ZNF44: variants seen among roughly 807,000 people sequenced by gnomAD.
ZNF44 encodes the protein zinc finger protein 44.
ZNF44 carries 9 observed loss-of-function variants against 11.7 expected under a neutral mutation model. That is an observed-to-expected ratio of 0.77 (90% CI 0.46 to 1.35). The LOEUF is 1.35. Among genes scored for constraint, ZNF44 ranks in the 40% most tolerant of loss-of-function variants. The pLI is 0.00. For missense variants in ZNF44, 696 were observed against 743.1 expected (o/e 0.94, Z 0.74); for synonymous variants, 224 against 242.7 (o/e 0.92, Z 0.72).
chr19:12,256,972 G>A (rs1917288660), intron 5 of ZNF44, among the ~76,000 whole-genome samples: 1 of 152,100 alleles, frequency 6.6e-6, no homozygotes, highest in Admixed American at 6.6e-5. Context: ...CCTCCCACAG[G>A]TGTGGGATTA....
rs776489827 is a variant in ZNF44, at chr19:12,272,685, T to C, written c.1570A>G (p.Arg524Gly). 1 of 1,613,982 alleles carries C rather than the reference T, an allele frequency of 6.2e-7. No individual in the cohort carries two copies. The highest frequency in any genetic ancestry group is 1.7e-5 in the Admixed American group (1 of 59,998). The part of the protein sequence containing the change: ...SRFSYLKTHE[R>G]THTAEKPYEC... The stretch of plus-strand genomic sequence containing the variant: ...TATGGCTTCTCTGCCGTGTGAGTCC[T>C]TTCATGAGTTTTTAAGTAACTGAAA... The change falls in exon 4 of 4, where the codon AGG (arginine) becomes GGG (glycine). Residue 524 changes from arginine to glycine, a missense_variant. Physicochemically the swap from Arg to Gly is moderately radical, Grantham distance 125. Transcript: ENST00000355684.
At chr19:12,283,620 C>A (rs915314428) in intron 1 of ZNF44, among the ~76,000 whole-genome samples, 1 of 152,178 alleles carries the variant, frequency 6.6e-6, no homozygotes, top group Non-Finnish European at 1.5e-5. Flanking sequence ...TAAGCCACCA[C>A]GCCCAGCCAG....
chr19:12,250,310 A>G (rs753307300), exon 6 of ZNF44: 2 of 1,367,380 alleles, frequency 1.5e-6, no homozygotes, highest in Non-Finnish European at 2.0e-6. Context: ...TGAAGGATCC[A>G]GCAAAGTCCA....
chr19:12,242,927 C>T (rs1370838702), downstream of ZNF44: 1 of 152,128 alleles, frequency 6.6e-6, no homozygotes, highest in Non-Finnish European at 1.5e-5. Flanking sequence ...AAAATATGCA[C>T]TGGATTGAAT....
chr19:12,281,541 T>C (rs2145746180), intron 1 of ZNF44, among the ~76,000 whole-genome samples: 2 of 152,216 alleles, frequency 1.3e-5, no homozygotes, highest in South Asian at 4.1e-4. Context: ...ACAAGATTAA[T>C]GTAAATCAAA....
intron 1 of ZNF44, 64 bp downstream of exon 1, chr19:12,294,628 C>CGGTTCCGACT (rs1371391135): frequency 7.8e-6 from 12 of 1,541,640 alleles, no homozygotes; most frequent in African/African-American, 1.4e-5. Context: ...CCGCCACAGC[C>CGGTTCCGACT]GGTTCCGACT....
chr19:12,252,878 CTTTTTTTT>C lies in ZNF44; in HGVS notation c.1913-2518_1913-2511del, dbSNP rs753388314. On this transcript the variant is annotated intron_variant and NMD_transcript_variant, in intron 5 of 7. Transcript: ENST00000393337. Reference sequence around the variant, plus strand: ...CTAATTATATGTTGCCTACAAGAAACTTTTTTTTTTTTTTTTTTTTTTTTTGAGAGACA... The same window carrying C: ...CTAATTATATGTTGCCTACAAGAAACTTTTTTTTTTTTTTTTTGAGAGACA... Among the ~76,000 whole-genome samples the C allele has an allele frequency of 5.1e-3, 404 of 78,708 alleles. 2 individuals carry two copies. The highest frequency in any genetic ancestry group is 0.02 in the African/African-American group (388 of 18,984). The allele number at this position is 78,708 out of a possible 152,430, so 51.6% of individuals were successfully genotyped here. A position where few individuals can be genotyped will look rare whatever the true frequency, so the allele number is the denominator to read the frequency against.
At chr19:12,264,664 G>T (rs17467810) in intron 5 of ZNF44, among the ~76,000 whole-genome samples, 1 of 152,072 alleles carries the variant, frequency 6.6e-6, no homozygotes, top group Non-Finnish European at 1.5e-5. Context: ...ATAATCATTA[G>T]TCAAACTAAT....
chr19:12,225,679 T>C (rs916851739), downstream of ZNF44, among the ~76,000 whole-genome samples: 3 of 152,204 alleles, frequency 2.0e-5, no homozygotes, highest in Admixed American at 6.5e-5. Flanking sequence ...GTAGAGTGAG[T>C]AAAGCAATTC....
intron 2 of ZNF44, among the ~76,000 whole-genome samples, chr19:12,233,696 G>A (rs1358613522): frequency 1.3e-5 from 2 of 152,040 alleles, no homozygotes; most frequent in African/African-American, 4.8e-5. Flanking sequence ...TTGAAATTTG[G>A]AATCTAGCTG....
At chr19:12,293,743 C>A (rs1474381593) in intron 1 of ZNF44, among the ~76,000 whole-genome samples, 1 of 152,086 alleles carries the variant, frequency 6.6e-6, no homozygotes, top group Non-Finnish European at 1.5e-5. Flanking sequence ...AGGGACAGGT[C>A]TCAAAGACCC....
exon 8 of ZNF44, chr19:12,247,952 C>T (rs1049456033): frequency 1.5e-6 from 2 of 1,351,184 alleles, no homozygotes; most frequent in African/African-American, 1.5e-5. Context: ...TGTAGGGTTT[C>T]TCTCCAGTAT....
intron 5 of ZNF44, among the ~76,000 whole-genome samples, chr19:12,266,073 G>A (rs1917715637): frequency 6.6e-6 from 1 of 152,198 alleles, no homozygotes; most frequent in Non-Finnish European, 1.5e-5. Context: ...TCACCACGCA[G>A]GGACAGGACA....
chr19:12,277,860 C>T (rs1174315006), intron 1 of ZNF44, among the ~76,000 whole-genome samples: 1 of 152,170 alleles, frequency 6.6e-6, no homozygotes. Context: ...TCATCTACAA[C>T]AGAATCCAAT....
chr19:12,244,089 T>C (rs1222175947), downstream of ZNF44, among the ~76,000 whole-genome samples: 5 of 152,182 alleles, frequency 3.3e-5, no homozygotes, highest in Non-Finnish European at 7.3e-5. Flanking sequence ...TTACCCAGGT[T>C]GGTGTCGAAC....
chr19:12,254,027 C>A (rs1484545201), intron 5 of ZNF44, among the ~76,000 whole-genome samples: 1 of 152,002 alleles, frequency 6.6e-6, no homozygotes, highest in African/African-American at 2.4e-5. Context: ...TAGCACCAAA[C>A]AATAGATTCC....
downstream of ZNF44, chr19:12,247,440 T>A (rs1276631193): frequency 7.5e-7 from 1 of 1,327,884 alleles, no homozygotes; most frequent in Non-Finnish European, 1.0e-6. Flanking sequence ...TTTACATTCA[T>A]AGGGTTTCTC....
downstream of ZNF44, among the ~76,000 whole-genome samples, chr19:12,243,318 A>C (rs2459032): frequency 0.061 from 9,337 of 152,232 alleles, 975 homozygotes; most frequent in African/African-American, 0.22. Flanking sequence ...CTTGGTTTTT[A>C]ACCTTTGACC....
At chr19:12,240,095 C>T (rs1194470938), upstream of ZNF44, among the ~76,000 whole-genome samples, 2 of 152,080 alleles carry the variant, frequency 1.3e-5, no homozygotes, top group Admixed American at 1.3e-4. Flanking sequence ...TTAGGATGAG[C>T]ATACTACCCA....
Sources: gnomAD v4.1 joint callset for allele counts (sites outside exome capture counted in the v4.1 genomes callset) on GRCh38, gnomAD v4.1.1 for gene constraint, MANE v1.5 for transcripts, NCBI Gene and HGNC (gene_info 2026-07-23, HGNC 2026-07-21) for gene names.